The following ADGRB3 variants were observed in gnomAD, a reference collection of about 807,000 sequenced individuals.
The protein encoded by ADGRB3 is brain-specific angiogenesis inhibitor 3.
Under a neutral mutation model 193.4 loss-of-function variants are expected in ADGRB3, and 37 were observed. The observed-to-expected ratio is 0.19, with a 90% CI of 0.15 to 0.25. The LOEUF is 0.25. Among genes scored for constraint, ADGRB3 ranks in the 10% least tolerant of loss-of-function variants. The probability of loss-of-function intolerance (pLI) is 1.00; values close to 1 mark genes in which losing one functional copy is unlikely to be tolerated. For missense variants in ADGRB3, 1,637 were observed against 1,852.9 expected, an observed-to-expected ratio of 0.88 and a Z score of 2.14; for synonymous variants, 690 against 644.2, an observed-to-expected ratio of 1.07 and a Z score of -1.08.
At chr6:68,860,683 G>T (rs1006378061) in intron 3 of ADGRB3, among the ~76,000 whole-genome samples, 1 of 152,114 alleles carries the variant, frequency 6.6e-6, no homozygotes, top group Non-Finnish European at 1.5e-5. Context: ...CTTTGCTATT[G>T]TGTATTGTGC....
At chr6:69,015,786 T>C (rs1770071426) in intron 12 of ADGRB3, among the ~76,000 whole-genome samples, 1 of 151,832 alleles carries the variant, frequency 6.6e-6, no homozygotes, top group African/African-American at 2.4e-5. Context: ...GTTCCAGTTA[T>C]GAAGGATAAA....
intron 17 of ADGRB3, among the ~76,000 whole-genome samples, chr6:69,182,257 A>G (rs1775604259): frequency 6.6e-6 from 1 of 152,166 alleles, no homozygotes; most frequent in South Asian, 2.1e-4. Flanking sequence ...TGAAGAAACC[A>G]GTTAGTAATG....
At chr6:69,381,989 T>G (rs1317933368) in intron 30 of ADGRB3, among the ~76,000 whole-genome samples, 1 of 151,944 alleles carries the variant, frequency 6.6e-6, no homozygotes, top group Non-Finnish European at 1.5e-5. Flanking sequence ...ACTTATTATC[T>G]AACTCTTCTT....
intron 3 of ADGRB3, among the ~76,000 whole-genome samples, chr6:68,819,932 C>A (rs1465038643): frequency 1.3e-5 from 2 of 152,014 alleles, no homozygotes; most frequent in South Asian, 4.1e-4. Context: ...TTAGCCTGAG[C>A]TATTTTAAAT....
chr6:69,294,120 A>G (rs1767757516), intron 20 of ADGRB3, among the ~76,000 whole-genome samples: 1 of 152,040 alleles, frequency 6.6e-6, no homozygotes. Context: ...TCCATGCCTC[A>G]AAACACCTGG....
intron 3 of ADGRB3, among the ~76,000 whole-genome samples, chr6:68,717,375 A>G (rs1362017927): frequency 6.6e-6 from 1 of 151,736 alleles, no homozygotes; most frequent in Non-Finnish European, 1.5e-5. Flanking sequence ...ATTAAAAACG[A>G]TATGTTTTAG....
intron 3 of ADGRB3, among the ~76,000 whole-genome samples, chr6:68,742,980 C>T (rs991688237): frequency 6.6e-6 from 1 of 151,714 alleles, no homozygotes; most frequent in Non-Finnish European, 1.5e-5. Flanking sequence ...TTCTATAGTA[C>T]TTGTGTTTAT....
At chr6:69,351,149 A>G (rs1435003259) in intron 26 of ADGRB3, among the ~76,000 whole-genome samples, 1 of 150,948 alleles carries the variant, frequency 6.6e-6, no homozygotes, top group Non-Finnish European at 1.5e-5. Flanking sequence ...GCTGGAGTAC[A>G]ATGGCACAAT....
intron 3 of ADGRB3, among the ~76,000 whole-genome samples, chr6:68,715,677 T>C (rs1765477589): frequency 6.6e-6 from 1 of 151,866 alleles, no homozygotes; most frequent in Non-Finnish European, 1.5e-5. Context: ...ATACTTTGTT[T>C]AAATCATTCC....
chr6:69,268,683 T>A (rs1767103588), intron 20 of ADGRB3, among the ~76,000 whole-genome samples: 1 of 152,188 alleles, frequency 6.6e-6, no homozygotes, highest in South Asian at 2.1e-4. Flanking sequence ...ATTGATTTTC[T>A]GAGAAATCAA....
At chr6:68,838,920 A>G (rs1768095319) in intron 3 of ADGRB3, among the ~76,000 whole-genome samples, 1 of 152,192 alleles carries the variant, frequency 6.6e-6, no homozygotes, top group Non-Finnish European at 1.5e-5. Flanking sequence ...GTCAAGACAA[A>G]CACTAAACTA....
chr6:69,161,474 G>A (rs1774984413), intron 17 of ADGRB3, among the ~76,000 whole-genome samples: 1 of 152,078 alleles, frequency 6.6e-6, no homozygotes, highest in Admixed American at 6.6e-5. Context: ...TTGCCTAGGA[G>A]ACTTGTTATA....
At chr6:68,898,326 C>A (rs530668573) in intron 3 of ADGRB3, among the ~76,000 whole-genome samples, 2 of 151,972 alleles carry the variant, frequency 1.3e-5, no homozygotes, top group Non-Finnish European at 2.9e-5. Flanking sequence ...TTCAGCTAAG[C>A]CCTCAATGAA....
intron 13 of ADGRB3, among the ~76,000 whole-genome samples, chr6:69,035,128 T>A (rs1770830292): frequency 6.6e-6 from 1 of 152,098 alleles, no homozygotes; most frequent in South Asian, 2.1e-4. Context: ...ATGTTTTTGC[T>A]TCTTTATGAT....
At chr6:69,200,633 G>A (rs1311832950) in intron 17 of ADGRB3, among the ~76,000 whole-genome samples, 1 of 152,084 alleles carries the variant, frequency 6.6e-6, no homozygotes, top group Non-Finnish European at 1.5e-5. Flanking sequence ...AGCATCTGAT[G>A]GAAGCAGCTG....
In ADGRB3 at chr6:69,204,862, G is replaced by A. The variant is rs1311437057; in HGVS notation, c.2481-28428G>A. 2.0e-5 allele frequency among the ~76,000 whole-genome samples: 3 copies of A among 151,870 alleles called. No individual in the cohort carries two copies. In the South Asian group the frequency reaches 6.2e-4, roughly 32 times the overall value. On this transcript the variant is annotated intron_variant, in intron 17 of 31. Coordinates refer to ENST00000370598, the MANE Select transcript of ADGRB3 (RefSeq NM_001704.3). ...AATTTATTTTATAACCCCAATATGA[G>A]TGGACAATGTTAAGTGGCACTTAAA...
At chr6:69,284,851 G>A (rs575742210) in intron 20 of ADGRB3, among the ~76,000 whole-genome samples, 1 of 152,148 alleles carries the variant, frequency 6.6e-6, no homozygotes, top group African/African-American at 2.4e-5. Context: ...GGGCTTTCTG[G>A]TAGGTGCAGA....
intron 28 of ADGRB3, among the ~76,000 whole-genome samples, chr6:69,356,232 C>T (rs1222246058): frequency 6.6e-6 from 1 of 152,070 alleles, no homozygotes; most frequent in Non-Finnish European, 1.5e-5. Flanking sequence ...TGCTATGTGC[C>T]TCATAGCCTA....
intron 20 of ADGRB3, among the ~76,000 whole-genome samples, chr6:69,248,345 A>G (rs1766543234): frequency 6.6e-6 from 1 of 152,224 alleles, no homozygotes; most frequent in South Asian, 2.1e-4. Context: ...AGATATTCTC[A>G]CAAAAAAAAT....
Sources: allele counts gnomAD v4.1 joint callset (sites outside exome capture counted in the v4.1 genomes callset), GRCh38; gene constraint gnomAD v4.1.1; transcripts MANE v1.5; gene names NCBI Gene and HGNC (gene_info 2026-07-23, HGNC 2026-07-21).